DOCK3: variants seen among roughly 807,000 people sequenced by gnomAD.
DOCK3 encodes dedicator of cytokinesis protein 3.
DOCK3 carries 60 observed loss-of-function variants against 265.6 expected under a neutral mutation model. The observed-to-expected ratio is 0.23, with a 90% CI of 0.18 to 0.28. The LOEUF is 0.28. Among genes scored for constraint, DOCK3 ranks in the 10% least tolerant of loss-of-function variants. The pLI is 1.00. For synonymous variants in DOCK3, 881 were observed against 938.0 expected (o/e 0.94, Z 1.11); for missense variants, 1,981 against 2,594.3 (o/e 0.76, Z 5.14).
At chr3:50,725,939 C>T (rs944923318) in intron 1 of DOCK3, among the ~76,000 whole-genome samples, 5 of 152,094 alleles carry the variant, frequency 3.3e-5, no homozygotes, top group Admixed American at 1.3e-4. Flanking sequence ...CAAAAATTCC[C>T]AAGTGATTCT....
intron 1 of DOCK3, among the ~76,000 whole-genome samples, chr3:50,704,627 T>C (rs1233385943): frequency 2.2e-4 from 1 of 4,570 alleles, no homozygotes. Flanking sequence ...TAGGCAGCAT[T>C]TTTTTTTTTT....
intron 12 of DOCK3, among the ~76,000 whole-genome samples, chr3:51,184,328 A>AG (rs2087472817): frequency 6.6e-6 from 1 of 151,328 alleles, no homozygotes; most frequent in African/African-American, 2.4e-5. Context: ...AAAAAAAAAA[A>AG]AAGAAAGAAA....
rs1021853311 is a variant in DOCK3, at chr3:50,877,254, T to G, written c.163-12772T>G. On this transcript the variant is annotated intron_variant, in intron 3 of 52. Coordinates refer to ENST00000266037, the MANE Select transcript of DOCK3 (RefSeq NM_004947.5). ...TCTTACGGAGCCTTCTTAACCCTTT[T>G]TATTCTTTCTTTGATTTCTTACTCT... is the stretch of plus-strand genomic sequence containing the variant. The G allele has an allele frequency of 1.5e-4, 52 of 344,312 alleles. 1 individual carries two copies. Among genetic ancestry groups the G allele is most frequent in the South Asian group, 1.1e-3 (50 of 43,602 alleles). The allele number at this position is 344,312 out of a possible 1,614,324, so 21.3% of individuals were successfully genotyped here.
intron 5 of DOCK3, 50 bp from the exon 6 acceptor site, chr3:51,064,398 C>A: frequency 6.3e-7 from 1 of 1,597,948 alleles, no homozygotes; most frequent in South Asian, 1.1e-5. Context: ...TCTTTTCATT[C>A]CTTTTCCATG....
chr3:51,101,265 C>T lies in DOCK3; in HGVS notation c.746+10881C>T, dbSNP rs982355464. Among the ~76,000 whole-genome samples, 8 of 151,966 alleles carry T rather than the reference C, an allele frequency of 5.3e-5. No individual in the cohort carries two copies. In the South Asian group the frequency reaches 8.3e-4, roughly 16 times the overall value. The stretch of plus-strand genomic sequence containing the variant: ...CCTCCCGAGTAGCTGGGACTACAGG[C>T]GCCCGCCACCGCGCCCGGCTAATTT... On this transcript the variant is annotated intron_variant, in intron 9 of 52. Transcript: ENST00000266037.
chr3:51,362,385 T>C (rs1218814452), intron 48 of DOCK3, 142 bp from the exon 49 acceptor site: 1 of 1,141,476 alleles, frequency 8.8e-7, no homozygotes, highest in African/African-American at 1.6e-5. Flanking sequence ...GCCCAGCCAT[T>C]AGCCTGGCCT....
chr3:50,977,013 C>A (rs1024879645), intron 5 of DOCK3, among the ~76,000 whole-genome samples: 1 of 149,332 alleles, frequency 6.7e-6, no homozygotes, highest in Non-Finnish European at 1.5e-5. Context: ...TTCCTCCATC[C>A]TTTTATTTTG....
chr3:50,920,376 C>T (rs1260205030), intron 4 of DOCK3, among the ~76,000 whole-genome samples: 1 of 152,110 alleles, frequency 6.6e-6, no homozygotes, highest in Non-Finnish European at 1.5e-5. Context: ...TCCGTCTGGT[C>T]CTGGACTTTT....
At chr3:51,113,882 AG>A (rs1222373049) in intron 9 of DOCK3, among the ~76,000 whole-genome samples, 1 of 152,084 alleles carries the variant, frequency 6.6e-6, no homozygotes, top group Admixed American at 6.6e-5. Flanking sequence ...GAGGCTAAGG[AG>A]GGAGGATCAC....
At chr3:50,901,463 C>G (rs1445456860) in intron 4 of DOCK3, among the ~76,000 whole-genome samples, 2 of 152,018 alleles carry the variant, frequency 1.3e-5, no homozygotes, top group African/African-American at 4.8e-5. Flanking sequence ...GGCTTCACCC[C>G]CTTTCTAGGG....
intron 13 of DOCK3, among the ~76,000 whole-genome samples, chr3:51,212,947 C>T (rs1232031844): frequency 4.0e-5 from 6 of 151,872 alleles, no homozygotes; most frequent in African/African-American, 9.7e-5. Flanking sequence ...CTAGTAGAAC[C>T]GTATTTCCTC....
intron 27 of DOCK3, among the ~76,000 whole-genome samples, chr3:51,301,194 G>A (rs563566758): frequency 6.6e-6 from 1 of 152,280 alleles, no homozygotes; most frequent in Admixed American, 6.5e-5. Flanking sequence ...ATGCCTAAAG[G>A]TGTTAATAGT....
chr3:51,060,826 A>G (rs1481784868), intron 5 of DOCK3, among the ~76,000 whole-genome samples: 5 of 152,160 alleles, frequency 3.3e-5, no homozygotes, highest in African/African-American at 1.2e-4. Context: ...GTCAAGGGCT[A>G]ATATCCAGAA....
chr3:51,169,031 A>G (rs764622533), intron 12 of DOCK3, among the ~76,000 whole-genome samples: 26 of 152,236 alleles, frequency 1.7e-4, no homozygotes, highest in Admixed American at 3.9e-4. Flanking sequence ...CAAAATCACA[A>G]TGAGATACCA....
chr3:51,067,237 A>G (rs2081624297), intron 6 of DOCK3, among the ~76,000 whole-genome samples: 1 of 152,182 alleles, frequency 6.6e-6, no homozygotes, highest in African/African-American at 2.4e-5. Context: ...AACTATCAGT[A>G]CCTATACCTC....
chr3:51,270,717 C>A, intron 23 of DOCK3, 98 bp from the exon 24 acceptor site: 1 of 1,273,306 alleles, frequency 7.9e-7, no homozygotes, highest in Non-Finnish European at 1.1e-6. Context: ...TGCTACAGTG[C>A]CTTCTCAGCC....
intron 2 of DOCK3, among the ~76,000 whole-genome samples, chr3:50,812,359 A>G (rs1473234509): frequency 6.6e-6 from 1 of 152,236 alleles, no homozygotes; most frequent in Non-Finnish European, 1.5e-5. Flanking sequence ...AACTCCCATG[A>G]GCTGGCAAAA....
intron 43 of DOCK3, 89 bp from the exon 44 acceptor site, chr3:51,356,873 A>G: frequency 2.1e-6 from 3 of 1,422,202 alleles, no homozygotes; most frequent in Non-Finnish European, 1.9e-6. Context: ...AGGGGAATCA[A>G]TACCACAGAT....
chr3:50,712,954 C>G lies in DOCK3; in HGVS notation c.37+37654C>G, dbSNP rs113970459. On this transcript the variant is annotated intron_variant, in intron 1 of 52. Coordinates refer to ENST00000266037, the MANE Select transcript of DOCK3 (RefSeq NM_004947.5). ...AATTGTCTCTTAGGCCTAAAACAGA[C>G]AATGTTTTGCCCTTAATAAGAAATA... Among the ~76,000 whole-genome samples the G allele has an allele frequency of 2.8e-3, 426 of 152,252 alleles. 3 individuals are homozygous for G. The highest frequency in any genetic ancestry group is 9.8e-3 in the African/African-American group (408 of 41,540).
Sources: allele counts gnomAD v4.1 joint callset (sites outside exome capture counted in the v4.1 genomes callset), GRCh38; gene constraint gnomAD v4.1.1; transcripts MANE v1.5; gene names NCBI Gene and HGNC (gene_info 2026-07-23, HGNC 2026-07-21).